ENOX2: variants seen among roughly 807,000 people sequenced by gnomAD.
ENOX2 encodes the protein APK1 antigen.
Under a neutral mutation model 45.0 loss-of-function variants are expected in ENOX2, and 36 were observed. The ratio of observed to expected loss-of-function variants is 0.80; its 90% confidence interval spans 0.61 to 1.06. The LOEUF (loss-of-function observed/expected upper bound fraction) is 1.06. Ranked by LOEUF, ENOX2 falls within the 50% of genes least tolerant of loss-of-function variation. The probability of loss-of-function intolerance (pLI) is 0.00; values close to 1 mark genes in which losing one functional copy is unlikely to be tolerated. For synonymous variants in ENOX2, 174 were observed against 152.3 expected, an observed-to-expected ratio of 1.14 and a Z score of -1.05; for missense variants, 423 against 462.5, an observed-to-expected ratio of 0.91 and a Z score of 0.78.
intron 2 of ENOX2, among the ~76,000 whole-genome samples, chrX:130,838,193 C>T (rs192906734): frequency 9.0e-6 from 1 of 111,418 alleles, no homozygotes; most frequent in Non-Finnish European, 1.9e-5. Flanking sequence ...ACCAGCCTGG[C>T]CAACATGGTA....
chrX:130,766,246 T>C (rs182610701), intron 3 of ENOX2, among the ~76,000 whole-genome samples: 107 of 111,946 alleles, frequency 9.6e-4, no homozygotes, highest in African/African-American at 3.4e-3. Flanking sequence ...CAAATGTGTG[T>C]GTACAATTTT....
intron 3 of ENOX2, among the ~76,000 whole-genome samples, chrX:130,705,304 G>A (rs191348086): frequency 8.9e-6 from 1 of 112,169 alleles, no homozygotes; most frequent in East Asian, 2.8e-4. Context: ...CTCAGTAAAG[G>A]ATTTTGAGGT....
chrX:130,719,460 G>GA (rs1218133442), intron 3 of ENOX2, among the ~76,000 whole-genome samples: 2,753 of 59,761 alleles, frequency 0.046, 102 homozygotes, highest in African/African-American at 0.13. Flanking sequence ...CTGCTGCTAA[G>GA]AAAAAAAAAA....
intron 5 of ENOX2, among the ~76,000 whole-genome samples, chrX:130,684,125 G>C (rs2037384606): frequency 8.9e-6 from 1 of 112,597 alleles, no homozygotes. Flanking sequence ...CTGCCAACCA[G>C]CCCTTGCTTT....
chrX:130,821,257 C>A (rs2077591608), intron 2 of ENOX2, among the ~76,000 whole-genome samples: 1 of 105,350 alleles, frequency 9.5e-6, no homozygotes, highest in Non-Finnish European at 1.9e-5. Context: ...TTTACTGCGG[C>A]ATTATTCACA....
At chrX:130,874,403 G>A (rs748513481) in intron 2 of ENOX2, among the ~76,000 whole-genome samples, 1 of 112,335 alleles carries the variant, frequency 8.9e-6, no homozygotes, top group East Asian at 2.8e-4. Context: ...TCATCACAGG[G>A]TTGGCAGCAC....
chrX:130,818,277 G>A (rs1007497422), intron 2 of ENOX2, among the ~76,000 whole-genome samples: 3 of 111,572 alleles, frequency 2.7e-5, no homozygotes, highest in Non-Finnish European at 3.8e-5. Flanking sequence ...AAAACATCCC[G>A]TGCTCATGGA....
intron 3 of ENOX2, among the ~76,000 whole-genome samples, chrX:130,722,171 GGAAGACAGAT>G (rs1235438575): frequency 8.9e-6 from 1 of 111,885 alleles, no homozygotes. Context: ...TGGTAAATTA[GGAAGACAGAT>G]GAAGGTTAAA....
In ENOX2 at chrX:130,715,569, GTT is replaced by G. The variant is rs59886678; in HGVS notation, c.-38-12317_-38-12316del. Among the ~76,000 whole-genome samples, 480 of 100,795 alleles carry G rather than the reference GTT, an allele frequency of 4.8e-3. 5 individuals carry two copies. The highest frequency in any genetic ancestry group is 0.017 in the African/African-American group (464 of 27,927). The allele number at this position is 100,795 out of a possible 115,157, so 87.5% of individuals were successfully genotyped here. Reference sequence around the variant, plus strand: ...CTACCCTTCATGTTTCAAAATGACTGTTTTTTTTTTTTTGAAAACCACAACAC... The same window carrying G: ...CTACCCTTCATGTTTCAAAATGACTGTTTTTTTTTTTGAAAACCACAACAC... On this transcript the variant is annotated intron_variant, in intron 3 of 14. Coordinates refer to ENST00000394363, the MANE Select transcript of ENOX2 (RefSeq NM_006375.4).
At chrX:130,870,217 A>G in intron 2 of ENOX2, among the ~76,000 whole-genome samples, 1 of 111,566 alleles carries the variant, frequency 9.0e-6, no homozygotes, top group South Asian at 3.8e-4. Context: ...TGTTTGGATA[A>G]TTGGAACTGT....
intron 2 of ENOX2, among the ~76,000 whole-genome samples, chrX:130,795,296 A>G (rs1287710797): frequency 8.9e-6 from 1 of 111,982 alleles, no homozygotes; most frequent in Non-Finnish European, 1.9e-5. Context: ...AGTCAAACCT[A>G]CCACTAGGAA....
In ENOX2 at chrX:130,780,496, A is replaced by G. The variant is rs189719793; in HGVS notation, c.-39+3051T>C. On this transcript the variant is annotated intron_variant, in intron 3 of 14. Coordinates refer to ENST00000394363, the MANE Select transcript of ENOX2 (RefSeq NM_006375.4). ...GTAATAGTATACTTACAGTCGAGGG[A>G]TGAAGAAAATGAGAAAGAAGGCTTG... Among the ~76,000 whole-genome samples, 95 of 111,962 alleles carry G rather than the reference A, an allele frequency of 8.5e-4. 2 individuals carry two copies. Among genetic ancestry groups the G allele is most frequent in the African/African-American group, 3.0e-3 (92 of 30,844 alleles).
intron 10 of ENOX2, among the ~76,000 whole-genome samples, chrX:130,643,232 T>C (rs1433324678): frequency 1.8e-5 from 2 of 110,941 alleles, no homozygotes; most frequent in Non-Finnish European, 1.9e-5. Flanking sequence ...TAATATAATA[T>C]GTTCAATTAA....
chrX:130,897,392 G>A (rs1055372227), intron 2 of ENOX2, among the ~76,000 whole-genome samples: 3 of 112,019 alleles, frequency 2.7e-5, no homozygotes, highest in Admixed American at 9.4e-5. Flanking sequence ...TCCTGACAAG[G>A]ACCAGCAGGG....
At chrX:130,703,383 C>A in intron 3 of ENOX2, 129 bp from the exon 4 acceptor site, 1 of 553,314 alleles carries the variant, frequency 1.8e-6, no homozygotes, top group Non-Finnish European at 2.8e-6. Flanking sequence ...TGGATAAGGC[C>A]TCAATGCCAG....
At chrX:130,885,255 C>T (rs771804102) in intron 2 of ENOX2, among the ~76,000 whole-genome samples, 17 of 111,408 alleles carry the variant, frequency 1.5e-4, no homozygotes, top group Non-Finnish European at 2.1e-4. Context: ...ACCCATCAAC[C>T]GAGAGGCAGC....
intron 3 of ENOX2, among the ~76,000 whole-genome samples, chrX:130,707,507 TACAC>T (rs10536173): frequency 0.031 from 2,944 of 96,392 alleles, 33 homozygotes; most frequent in Middle Eastern, 0.041. Flanking sequence ...TTTTGAAGAC[TACAC>T]ACACACACAC....
intron 5 of ENOX2, among the ~76,000 whole-genome samples, chrX:130,686,480 A>G (rs1482226126): frequency 2.7e-5 from 3 of 111,792 alleles, no homozygotes; most frequent in East Asian, 5.6e-4. Flanking sequence ...CTGCAGAACC[A>G]TAAGCCAATT....
intron 2 of ENOX2, among the ~76,000 whole-genome samples, chrX:130,826,735 C>T (rs1174407139): frequency 1.8e-5 from 2 of 111,659 alleles, no homozygotes; most frequent in African/African-American, 6.5e-5. Context: ...GGAAGAAAAT[C>T]CTAGAAAGTC....
Sources: gnomAD v4.1 joint callset for allele counts (sites outside exome capture counted in the v4.1 genomes callset) on GRCh38, gnomAD v4.1.1 for gene constraint, MANE v1.5 for transcripts, NCBI Gene and HGNC (gene_info 2026-07-23, HGNC 2026-07-21) for gene names.